EHMT1: variants seen among roughly 807,000 people sequenced by gnomAD.
EHMT1 encodes the protein histone-lysine N-methyltransferase EHMT1.
EHMT1 carries 15 observed loss-of-function variants against 147.2 expected under a neutral mutation model. The ratio of observed to expected loss-of-function variants is 0.10; its 90% confidence interval spans 0.07 to 0.16. The LOEUF (loss-of-function observed/expected upper bound fraction) is 0.16, where lower values mean the gene tolerates loss of function less well. Ranked by LOEUF, EHMT1 falls within the 10% of genes least tolerant of loss-of-function variation. The probability of loss-of-function intolerance (pLI) is 1.00; values close to 1 mark genes in which losing one functional copy is unlikely to be tolerated. For missense variants in EHMT1, 1,587 were observed against 1,772.4 expected (o/e 0.90, Z 1.88); for synonymous variants, 795 against 709.6 (o/e 1.12, Z -1.91).
At chr9:137,675,974 G>A (rs1941257891) in intron 1 of EHMT1, 1 of 150,734 alleles carries the variant, frequency 6.6e-6, no homozygotes, top group African/African-American at 2.4e-5. Flanking sequence ...TAGTAGAGAC[G>A]GGGTTTCACC....
At position 137,728,426 on chromosome 9, in the gene EHMT1, C is replaced by T. The variant is rs760100609; in HGVS notation, c.720C>T (p.Asn240=). The T allele has an allele frequency of 2.4e-5, 38 of 1,614,090 alleles. No individual in the cohort carries two copies. The highest frequency in any genetic ancestry group is 2.9e-5 in the Non-Finnish European group (34 of 1,180,048). ...AACCAAAAGAGGAGATCAACAAAAACATTTCTGACTTTGGACGACAGCAGC... is the reference window on the plus strand; with the variant it reads ...AACCAAAAGAGGAGATCAACAAAAATATTTCTGACTTTGGACGACAGCAGC... ...HKEPKEEINK[N]ISDFGRQQLL... is the part of the protein sequence containing the mutation. The change falls in exon 4 of 27, where the codon AAC becomes AAT. Residue 240 remains asparagine (N), a synonymous_variant. Transcript: ENST00000460843.
At chr9:137,772,465 G>A (rs73669163) in intron 10 of EHMT1, among the ~76,000 whole-genome samples, 1 of 152,176 alleles carries the variant, frequency 6.6e-6, no homozygotes, top group Non-Finnish European at 1.5e-5. Flanking sequence ...CCTCACCTGC[G>A]CCAGGTGGGG....
Position 137,835,036 on chromosome 9 carries a change from C to T in EHMT1, c.*83C>T. ...GGACGAGGAGGAGAGATTCCGCACG[C>T]AACCGAAAGGGTCCTTCGGGGCTGC... is the stretch of plus-strand genomic sequence containing the variant. On this transcript the variant is annotated 3_prime_UTR_variant, in exon 27 of 27. Transcript: ENST00000460843. The T allele has an allele frequency of 1.5e-6, 2 of 1,326,508 alleles. No homozygotes were observed. Among genetic ancestry groups the T allele is most frequent in the Non-Finnish European group, 9.6e-7 (1 of 1,038,522 alleles). The allele number at this position is 1,326,508 out of a possible 1,614,324, so 82.2% of individuals were successfully genotyped here.
chr9:137,726,116 G>A (rs1946602754), intron 3 of EHMT1, among the ~76,000 whole-genome samples: 1 of 152,104 alleles, frequency 6.6e-6, no homozygotes, highest in South Asian at 2.1e-4. Context: ...GTGCGTATGT[G>A]CGTGGTAAAA....
intron 18 of EHMT1, chr9:137,803,091 T>G: frequency 8.1e-7 from 1 of 1,229,766 alleles, no homozygotes; most frequent in Non-Finnish European, 1.0e-6. Context: ...CCTGCATGCC[T>G]GGGCAGTTTG....
chr9:137,835,444 G>A lies in EHMT1; in HGVS notation c.*491G>A, dbSNP rs1208339014. On this transcript the variant is annotated 3_prime_UTR_variant, in exon 27 of 27. Transcript: ENST00000460843. ...TGGGGCCGAGTCCCAGGGGCCGCAC[G>A]GAGGGCACAGTCTCCTGTCAGGCTC... is the stretch of plus-strand genomic sequence containing the variant. The A allele has an allele frequency of 1.3e-5, 2 of 153,544 alleles. No individual in the cohort carries two copies. Among genetic ancestry groups the A allele is most frequent in the African/African-American group, 2.4e-5 (1 of 41,506 alleles). 9.5% of individuals were successfully genotyped at this position (153,544 alleles called of 1,614,324 possible).
In EHMT1 at chr9:137,829,125, C is replaced by T. The variant is rs190243986; in HGVS notation, c.3541-5224C>T. Among the ~76,000 whole-genome samples, 50 of 152,366 alleles carry T rather than the reference C, an allele frequency of 3.3e-4. 1 individual carries two copies. In the East Asian group the frequency reaches 7.3e-3, roughly 22 times the overall value. On this transcript the variant is annotated intron_variant, in intron 25 of 26. Transcript: ENST00000460843. ...AGCTCGTGCCGTGCGCCCACTGCCA[C>T]CACCTGTCTGCCACCTGCACCTCCT...
At chr9:137,762,472 C>G (rs570738219) in intron 9 of EHMT1, among the ~76,000 whole-genome samples, 1 of 152,306 alleles carries the variant, frequency 6.6e-6, no homozygotes, top group East Asian at 1.9e-4. Context: ...GGTTTGTTAG[C>G]TGGGGAGGCA....
Position 137,624,342 on chromosome 9 carries a change from C to T in EHMT1, c.21+5293C>T, listed in dbSNP as rs967613660. Reference sequence around the variant, plus strand: ...TTTTTTTTTGAGACATGGTTTCACCCAGTCTGGCATCCAGTTGCCCAGGCT... The same window carrying T: ...TTTTTTTTTGAGACATGGTTTCACCTAGTCTGGCATCCAGTTGCCCAGGCT... On this transcript the variant is annotated intron_variant, in intron 1 of 26. Coordinates refer to ENST00000460843, the MANE Select transcript of EHMT1 (RefSeq NM_024757.5). 3.6e-4 allele frequency among the ~76,000 whole-genome samples: 53 copies of T among 149,120 alleles called. 1 individual carries two copies. Among genetic ancestry groups the T allele is most frequent in the Non-Finnish European group, 1.2e-4 (8 of 67,388 alleles).
intron 25 of EHMT1, among the ~76,000 whole-genome samples, chr9:137,826,473 C>T (rs993082056): frequency 5.3e-5 from 8 of 152,222 alleles, no homozygotes; most frequent in Non-Finnish European, 1.2e-4. Context: ...GCCCTGGTTC[C>T]TGGGGCCTGT....
At chr9:137,634,220 C>G (rs1843816317) in intron 1 of EHMT1, among the ~76,000 whole-genome samples, 1 of 152,146 alleles carries the variant, frequency 6.6e-6, no homozygotes, top group Admixed American at 6.5e-5. Context: ...GTTGTCGTGT[C>G]TGATTGCCCA....
chr9:137,801,115 C>T (rs1953445509), intron 18 of EHMT1, 131 bp downstream of exon 18: 12 of 788,464 alleles, frequency 1.5e-5, no homozygotes, highest in Middle Eastern at 2.3e-4. Context: ...GTGGCAGCAT[C>T]GGCCCGGCAC....
chr9:137,763,521 A>T (rs7864181), intron 10 of EHMT1: 7,466 of 156,378 alleles, frequency 0.048, 602 homozygotes, highest in African/African-American at 0.17. Flanking sequence ...CTGTGGCCGA[A>T]GTCAGCACGT....
chr9:137,695,600 A>G (rs1409253886), intron 1 of EHMT1, among the ~76,000 whole-genome samples: 2 of 152,192 alleles, frequency 1.3e-5, no homozygotes, highest in East Asian at 3.8e-4. Flanking sequence ...GGGTGGTGTT[A>G]GTGTGGGCTG....
At chr9:137,757,852 G>A (rs1429021353) in intron 8 of EHMT1, 28 bp from the exon 9 acceptor site, 2 of 1,613,108 alleles carry the variant, frequency 1.2e-6, no homozygotes, top group Non-Finnish European at 1.7e-6. Context: ...GGTGCGTGGT[G>A]TCTGATGTGT....
intron 4 of EHMT1, among the ~76,000 whole-genome samples, chr9:137,741,820 C>T (rs933912244): frequency 1.1e-4 from 17 of 152,144 alleles, no homozygotes; most frequent in African/African-American, 3.9e-4. Context: ...GTAAGTGGAC[C>T]TATGTGATTA....
intron 9 of EHMT1, among the ~76,000 whole-genome samples, chr9:137,760,987 A>G (rs916569193): frequency 3.4e-4 from 51 of 152,236 alleles, no homozygotes; most frequent in Non-Finnish European, 1.0e-4. Context: ...AGCCTGGGCG[A>G]CAGAGCGAGA....
Position 137,732,857 on chromosome 9 carries a change from A to G in EHMT1, c.823+4328A>G, listed in dbSNP as rs1947233093. ...GGTGTTGGAGCCAGGTTATCAAAGA[A>G]AGGCTGAGATTTCTTGTCACGTCTT... On this transcript the variant is annotated intron_variant, in intron 4 of 26. Coordinates refer to ENST00000460843, the MANE Select transcript of EHMT1 (RefSeq NM_024757.5). The surrounding 1 kb of genome is among the most constrained non-coding windows in gnomAD (Gnocchi z 4.6). Among the ~76,000 whole-genome samples, 1 of 152,166 alleles carries G rather than the reference A, an allele frequency of 6.6e-6. No homozygotes were observed. The highest frequency in any genetic ancestry group is 1.5e-5 in the Non-Finnish European group (1 of 68,036).
At chr9:137,619,312 A>G (rs1291414777) in intron 1 of EHMT1, among the ~76,000 whole-genome samples, 2 of 146,264 alleles carry the variant, frequency 1.4e-5, no homozygotes, top group East Asian at 4.4e-4. Context: ...GCGGGGGCGC[A>G]GGTGAGGGAG....
Sources: gnomAD v4.1 joint callset for allele counts (sites outside exome capture counted in the v4.1 genomes callset) on GRCh38, gnomAD v4.1.1 for gene constraint, Gnocchi (gnomAD v3.1) non-coding constraint, MANE v1.5 for transcripts, NCBI Gene and HGNC (gene_info 2026-07-23, HGNC 2026-07-21) for gene names.